The following LRRC4C variants were observed in gnomAD, a reference collection of about 807,000 sequenced individuals.
LRRC4C encodes leucine rich repeat containing 4C, also known as leucine-rich repeat-containing protein 4C.
In LRRC4C, 5 loss-of-function variants were observed where a neutral mutation model predicts 33.6. The ratio of observed to expected loss-of-function variants is 0.15; its 90% CI spans 0.08 to 0.31. The LOEUF (loss-of-function observed/expected upper bound fraction) is 0.31. LRRC4C is among the 10% of genes least tolerant of loss of function. LRRC4C has a pLI of 1.00. For synonymous variants in LRRC4C, 329 were observed against 302.0 expected (o/e 1.09, Z -0.93); for missense variants, 560 against 796.7 (o/e 0.70, Z 3.58).
chr11:40,784,819 T>A (rs1344608111), intron 2 of LRRC4C, among the ~76,000 whole-genome samples: 1 of 152,120 alleles, frequency 6.6e-6, no homozygotes, highest in Non-Finnish European at 1.5e-5. Flanking sequence ...GTATAGTTTT[T>A]AAGGTGCATA....
intron 2 of LRRC4C, among the ~76,000 whole-genome samples, chr11:40,656,226 T>C (rs1479342481): frequency 1.3e-5 from 2 of 152,104 alleles, no homozygotes; most frequent in Non-Finnish European, 1.5e-5. Context: ...TTTCTTTTTT[T>C]TTTTGTCCAC....
At chr11:40,277,295 G>A (rs1199956074) in intron 4 of LRRC4C, among the ~76,000 whole-genome samples, 1 of 152,012 alleles carries the variant, frequency 6.6e-6, no homozygotes, top group Non-Finnish European at 1.5e-5. Context: ...AGACCCCTGT[G>A]GTTTATTTGT....
intron 5 of LRRC4C, among the ~76,000 whole-genome samples, chr11:40,197,352 C>A (rs1862345695): frequency 6.6e-6 from 1 of 152,142 alleles, no homozygotes. Context: ...CACAGGTTCA[C>A]ACAAACATGT....
At chr11:40,258,248 T>A (rs1271953457) in intron 4 of LRRC4C, among the ~76,000 whole-genome samples, 1 of 152,154 alleles carries the variant, frequency 6.6e-6, no homozygotes, top group African/African-American at 2.4e-5. Context: ...TGCTCAGACA[T>A]TTGTATGAAT....
chr11:40,819,291 C>G (rs1316431587), intron 2 of LRRC4C, among the ~76,000 whole-genome samples: 1 of 152,076 alleles, frequency 6.6e-6, no homozygotes, highest in African/African-American at 2.4e-5. Flanking sequence ...GTTCAACAAT[C>G]TGGAAATAAA....
chr11:40,953,368 A>G (rs968084881), intron 1 of LRRC4C, among the ~76,000 whole-genome samples: 1 of 151,860 alleles, frequency 6.6e-6, no homozygotes, highest in Non-Finnish European at 1.5e-5. Flanking sequence ...TGGATTTCCC[A>G]TCTGTCAGGT....
At chr11:41,275,859 A>G (rs1398012143) in intron 1 of LRRC4C, among the ~76,000 whole-genome samples, 1 of 152,208 alleles carries the variant, frequency 6.6e-6, no homozygotes, top group Non-Finnish European at 1.5e-5. Flanking sequence ...GCAGGTTATC[A>G]AAGAGCAAGT....
At chr11:40,974,706 G>T (rs1851960929) in intron 1 of LRRC4C, among the ~76,000 whole-genome samples, 1 of 152,196 alleles carries the variant, frequency 6.6e-6, no homozygotes, top group South Asian at 2.1e-4. Context: ...TGCAAAGATT[G>T]CAGTGTGATT....
At chr11:40,747,656 C>A (rs890949698) in intron 2 of LRRC4C, among the ~76,000 whole-genome samples, 2 of 151,322 alleles carry the variant, frequency 1.3e-5, no homozygotes, top group South Asian at 4.2e-4. Context: ...AAGAGCAACA[C>A]AAAAATCAGA....
At chr11:40,661,648 A>C (rs1234527224) in intron 2 of LRRC4C, among the ~76,000 whole-genome samples, 1 of 152,200 alleles carries the variant, frequency 6.6e-6, no homozygotes, top group East Asian at 1.9e-4. Flanking sequence ...GTTCAATATT[A>C]AATAAGATAA....
At chr11:41,452,350 C>T (rs1287172920) in intron 1 of LRRC4C, among the ~76,000 whole-genome samples, 2 of 151,948 alleles carry the variant, frequency 1.3e-5, no homozygotes, top group Non-Finnish European at 2.9e-5. Context: ...AATGTGTTTG[C>T]TCAATAGATA....
rs919868589 is a variant in LRRC4C, at chr11:40,733,603, T to C, written c.-406-85325A>G. On this transcript the variant is annotated intron_variant, in intron 2 of 6. Transcript: ENST00000528697. ...TATCTCTTCTCTTTCATAAGGCTAA[T>C]AGTTAAAGACTCTTAAATCTCAGAT... is the stretch of plus-strand genomic sequence containing the variant. Among the ~76,000 whole-genome samples the C allele has an allele frequency of 7.9e-5, 12 of 152,310 alleles. No homozygotes were observed. The East Asian group carries it at 2.1e-3, about 27-fold the overall frequency.
chr11:41,010,934 C>G (rs1051416734), intron 1 of LRRC4C, among the ~76,000 whole-genome samples: 1 of 151,958 alleles, frequency 6.6e-6, no homozygotes, highest in South Asian at 2.1e-4. Flanking sequence ...ATATTGGAGC[C>G]CAAAGGAAGG....
intron 1 of LRRC4C, among the ~76,000 whole-genome samples, chr11:41,034,931 G>A (rs894235658): frequency 6.8e-6 from 1 of 147,358 alleles, no homozygotes; most frequent in African/African-American, 2.5e-5. Context: ...GATTTTTTGG[G>A]GGTCGTTGGT....
At chr11:41,339,525 GA>G (rs1239651642) in intron 1 of LRRC4C, among the ~76,000 whole-genome samples, 6 of 151,720 alleles carry the variant, frequency 4.0e-5, no homozygotes, top group African/African-American at 1.5e-4. Flanking sequence ...AAACTAGCAG[GA>G]AAAAAAACAT....
Position 40,383,927 on chromosome 11 carries a change from A to T in LRRC4C, c.-269-64206T>A, listed in dbSNP as rs533899410. On this transcript the variant is annotated intron_variant, in intron 3 of 6. Transcript: ENST00000528697. ...TTGCTTATTTTTAATTCAAATTATT[A>T]TTATTATTATTATTATTATTATTAT... Among the ~76,000 whole-genome samples the T allele has an allele frequency of 4.0e-4, 50 of 124,246 alleles. 1 individual carries two copies. The highest frequency in any genetic ancestry group is 2.0e-3 in the African/African-American group (47 of 24,052). The allele number at this position is 124,246 out of a possible 152,430, so 81.5% of individuals were successfully genotyped here. A position where few individuals can be genotyped will look rare whatever the true frequency, so the allele number is the denominator to read the frequency against.
intron 1 of LRRC4C, among the ~76,000 whole-genome samples, chr11:41,196,062 C>T (rs1017594362): frequency 6.6e-6 from 1 of 152,010 alleles, no homozygotes; most frequent in Non-Finnish European, 1.5e-5. Flanking sequence ...CTTATTTGGA[C>T]ACAATAGAAG....
intron 3 of LRRC4C, among the ~76,000 whole-genome samples, chr11:40,393,391 C>T (rs1242809124): frequency 6.6e-6 from 1 of 151,674 alleles, no homozygotes; most frequent in African/African-American, 2.4e-5. Context: ...CTTAAGAGAC[C>T]CTGAAGATTT....
At chr11:41,155,664 T>G (rs1944197725) in intron 1 of LRRC4C, among the ~76,000 whole-genome samples, 1 of 152,102 alleles carries the variant, frequency 6.6e-6, no homozygotes, top group South Asian at 2.1e-4. Context: ...CCCCTTTCCC[T>G]ACTCTCCTAT....
Sources: gnomAD v4.1 joint callset for allele counts (sites outside exome capture counted in the v4.1 genomes callset) on GRCh38, gnomAD v4.1.1 for gene constraint, MANE v1.5 for transcripts, NCBI Gene and HGNC (gene_info 2026-07-23, HGNC 2026-07-21) for gene names.